SLCO3A1: variants seen among roughly 807,000 people sequenced by gnomAD.
SLCO3A1 encodes PGE1 transporter.
SLCO3A1 carries 27 observed loss-of-function variants against 63.1 expected under a neutral mutation model. The observed-to-expected ratio is 0.43, with a 90% confidence interval of 0.32 to 0.59. The LOEUF (loss-of-function observed/expected upper bound fraction) is 0.59. Among genes scored for constraint, SLCO3A1 ranks in the 20% least tolerant of loss-of-function variants. The pLI is 0.09. For synonymous variants in SLCO3A1, 473 were observed against 409.9 expected (o/e 1.15, Z -1.86); for missense variants, 773 against 945.8 (o/e 0.82, Z 2.40).
chr15:92,039,213 AC>A (rs1383690182), intron 2 of SLCO3A1, among the ~76,000 whole-genome samples: 6 of 152,196 alleles, frequency 3.9e-5, no homozygotes, highest in African/African-American at 1.2e-4. Flanking sequence ...TTACAACAAA[AC>A]CCAAAATTGA....
At chr15:91,855,684 A>G (rs1171845074) in intron 1 of SLCO3A1, among the ~76,000 whole-genome samples, 5 of 152,158 alleles carry the variant, frequency 3.3e-5, no homozygotes, top group African/African-American at 1.2e-4. Context: ...CTTAGGGGAA[A>G]TTTAACTGTT....
Position 92,165,585 on chromosome 15 carries a change from T to C in SLCO3A1, c.*2450T>C. 1 of 985,000 alleles carries C rather than the reference T, an allele frequency of 1.0e-6. No individual in the cohort carries two copies. Among genetic ancestry groups the C allele is most frequent in the Non-Finnish European group, 1.2e-6 (1 of 829,572 alleles). 61.0% of individuals were successfully genotyped at this position (985,000 alleles called of 1,614,324 possible). A position where few individuals can be genotyped will look rare whatever the true frequency, so the allele number is the denominator to read the frequency against. On this transcript the variant is annotated 3_prime_UTR_variant, in exon 10 of 10. Coordinates refer to ENST00000318445, the MANE Select transcript of SLCO3A1 (RefSeq NM_013272.4). ...TTTTAGGATGAATGTGAAAAAGATGTTAGAATAACAGGAAGACAACTCCAG... is the reference window on the plus strand; with the variant it reads ...TTTTAGGATGAATGTGAAAAAGATGCTAGAATAACAGGAAGACAACTCCAG...
At position 91,859,851 on chromosome 15, in the gene SLCO3A1, A is replaced by G. The variant is rs550988066; in HGVS notation, c.180+5763A>G. 6.6e-6 allele frequency among the ~76,000 whole-genome samples: 1 copy of G among 152,326 alleles called. No homozygotes were observed. The highest frequency in any genetic ancestry group is 2.1e-4 in the South Asian group (1 of 4,824). Reference sequence around the variant, plus strand: ...ACATAATAACCGTGTAGCCCCAACCAATGAGAAATAAAATTATTTCAATTA... The same window carrying G: ...ACATAATAACCGTGTAGCCCCAACCGATGAGAAATAAAATTATTTCAATTA... On this transcript the variant is annotated intron_variant, in intron 1 of 9. Coordinates refer to ENST00000318445, the MANE Select transcript of SLCO3A1 (RefSeq NM_013272.4). The surrounding 1 kb of genome is among the most constrained non-coding windows in gnomAD (Gnocchi z 5.1).
intron 2 of SLCO3A1, among the ~76,000 whole-genome samples, chr15:91,958,616 G>A (rs1363953924): frequency 6.6e-6 from 1 of 152,158 alleles, no homozygotes; most frequent in African/African-American, 2.4e-5. Flanking sequence ...TTAATTTGGT[G>A]TTAGGCAAAC....
intron 2 of SLCO3A1, among the ~76,000 whole-genome samples, chr15:91,945,052 T>C (rs1830164661): frequency 6.6e-6 from 1 of 152,176 alleles, no homozygotes; most frequent in Admixed American, 6.5e-5. Flanking sequence ...CAGATATTTA[T>C]TAAATATTTT....
At position 91,956,977 on chromosome 15, in the gene SLCO3A1, G is replaced by GTATATATATTATATATTA. The variant is rs1211504982; in HGVS notation, c.646+40527_646+40528insTTATATATTATATATATA. Reference sequence around the variant, plus strand: ...TAATTTATTTATATATATATATATAGTATATATAATATATAGTATATATTA... The same window carrying GTATATATATTATATATTA: ...TAATTTATTTATATATATATATATAGTATATATATTATATATTATATATATAATATATAGTATATATTA... On this transcript the variant is annotated intron_variant, in intron 2 of 9. Transcript: ENST00000318445. Among the ~76,000 whole-genome samples the GTATATATATTATATATTA allele has an allele frequency of 4.0e-3, 36 of 8,996 alleles. 7 individuals are homozygous for GTATATATATTATATATTA. Among genetic ancestry groups the GTATATATATTATATATTA allele is most frequent in the African/African-American group, 0.022 (24 of 1,092 alleles). 5.9% of individuals were successfully genotyped at this position (8,996 alleles called of 152,430 possible).
Position 91,853,919 on chromosome 15 carries a change from A to G in SLCO3A1, c.11A>G (p.Lys4Arg), listed in dbSNP as rs756599841. 2.1e-6 allele frequency: 3 copies of G among 1,437,834 alleles called. No individual in the cohort carries two copies. Among genetic ancestry groups the G allele is most frequent in the Non-Finnish European group, 2.8e-6 (3 of 1,085,910 alleles). 89.1% of individuals were successfully genotyped at this position (1,437,834 alleles called of 1,614,324 possible). A position where few individuals can be genotyped will look rare whatever the true frequency, so the allele number is the denominator to read the frequency against. MQG[K>R]KPGGSSGGGR... ...GGCGGCGGGGGAAGGATGCAGGGGAAGAAGCCGGGCGGTTCGTCGGGCGGC... is the reference window on the plus strand; with the variant it reads ...GGCGGCGGGGGAAGGATGCAGGGGAGGAAGCCGGGCGGTTCGTCGGGCGGC... Residue 4 changes from lysine (K) to arginine (R), a missense_variant, in exon 1 of 10, where the codon AAG becomes AGG. By Grantham distance (26) the Lys-to-Arg change is conservative. This residue lies in a region of SLCO3A1 where 69 missense variants were observed against 64.6 expected (regional missense o/e 1.07). Transcript: ENST00000318445.
chr15:92,121,826 C>T (rs1357392479), intron 5 of SLCO3A1, among the ~76,000 whole-genome samples: 1 of 152,178 alleles, frequency 6.6e-6, no homozygotes, highest in East Asian at 1.9e-4. Flanking sequence ...AGAAAGCAGC[C>T]ATCTGCAATG....
At chr15:91,918,014 A>G (rs7162293) in intron 2 of SLCO3A1, among the ~76,000 whole-genome samples, 86,624 of 152,090 alleles carry the variant, frequency 0.57, 25,369 homozygotes, top group East Asian at 0.91. Context: ...ATTTCTCCCC[A>G]GAGTCACCCC....
At chr15:91,988,189 G>GCTCAGC (rs1370878125) in intron 2 of SLCO3A1, among the ~76,000 whole-genome samples, 1 of 152,028 alleles carries the variant, frequency 6.6e-6, no homozygotes, top group South Asian at 2.1e-4. Flanking sequence ...GATCGCTTGA[G>GCTCAGC]CTCAGGAGTT....
intron 2 of SLCO3A1, among the ~76,000 whole-genome samples, chr15:91,982,805 G>A (rs990687146): frequency 6.6e-6 from 1 of 152,266 alleles, no homozygotes; most frequent in Non-Finnish European, 1.5e-5. Flanking sequence ...ATGCTGGTGG[G>A]TGGGGAGCTG....
At chr15:92,045,970 G>A (rs1398162406) in intron 2 of SLCO3A1, among the ~76,000 whole-genome samples, 4 of 152,110 alleles carry the variant, frequency 2.6e-5, no homozygotes, top group Non-Finnish European at 2.9e-5. Context: ...ACACCGGTGC[G>A]CATCTGTGGG....
chr15:92,019,423 T>C (rs1399531912), intron 2 of SLCO3A1, among the ~76,000 whole-genome samples: 2 of 152,196 alleles, frequency 1.3e-5, no homozygotes, highest in Non-Finnish European at 2.9e-5. Flanking sequence ...TAAATATTAC[T>C]TTCTTCCCCT....
At position 91,875,503 on chromosome 15, in the gene SLCO3A1, C is replaced by T. The variant is rs536566168; in HGVS notation, c.180+21415C>T. Among the ~76,000 whole-genome samples, 5 of 152,332 alleles carry T rather than the reference C, an allele frequency of 3.3e-5. No individual in the cohort carries two copies. In the South Asian group the frequency reaches 8.3e-4, roughly 25 times the overall value. On this transcript the variant is annotated intron_variant, in intron 1 of 9. Transcript: ENST00000318445. This position sits in a 1 kb window ranked among gnomAD's most constrained non-coding sequence, Gnocchi z 4.5. ...CGTAAACCTAGGTTGGTTCCTCCCC[C>T]GTCAGTTGGAGATGATTAAAGTACC...
At chr15:92,042,633 AGGT>A (rs751026626) in intron 2 of SLCO3A1, among the ~76,000 whole-genome samples, 33 of 152,094 alleles carry the variant, frequency 2.2e-4, no homozygotes, top group Non-Finnish European at 3.2e-4. Flanking sequence ...TGTAACATGG[AGGT>A]GGAGGTCTGA....
chr15:92,156,526 C>T lies in SLCO3A1; in HGVS notation c.1753+5512C>T, dbSNP rs528558044. Among the ~76,000 whole-genome samples, 43 of 152,328 alleles carry T rather than the reference C, an allele frequency of 2.8e-4. No homozygotes were observed. The South Asian group carries it at 8.9e-3, about 32-fold the overall frequency. On this transcript the variant is annotated intron_variant, in intron 9 of 9. Transcript: ENST00000318445. Reference sequence around the variant, plus strand: ...GATTATTTAAGCTCTCTGGGCCTTACCAACTTTAACAAGGGGTCCAGGAAT... The same window carrying T: ...GATTATTTAAGCTCTCTGGGCCTTATCAACTTTAACAAGGGGTCCAGGAAT...
intron 2 of SLCO3A1, among the ~76,000 whole-genome samples, chr15:91,981,932 G>A (rs1210882297): frequency 6.6e-6 from 1 of 152,256 alleles, no homozygotes; most frequent in Non-Finnish European, 1.5e-5. Context: ...GCTTGCTGGT[G>A]AGCACGCTTT....
chr15:91,969,023 C>G (rs970153204), intron 2 of SLCO3A1, among the ~76,000 whole-genome samples: 1 of 152,330 alleles, frequency 6.6e-6, no homozygotes, highest in Middle Eastern at 3.4e-3. Context: ...GTGTTTAGCA[C>G]TGTCACCTTG....
At position 91,865,341 on chromosome 15, in the gene SLCO3A1, T is replaced by C. The variant is rs1897139633; in HGVS notation, c.180+11253T>C. On this transcript the variant is annotated intron_variant, in intron 1 of 9. Transcript: ENST00000318445. This position sits in a 1 kb window ranked among gnomAD's most constrained non-coding sequence, Gnocchi z 4.6. Reference sequence around the variant, plus strand: ...CATATTATAAGTGAGAAAGTGACTTTCACAGTTTATCTGTTGGTGAGGTGG... The same window carrying C: ...CATATTATAAGTGAGAAAGTGACTTCCACAGTTTATCTGTTGGTGAGGTGG... Among the ~76,000 whole-genome samples the C allele has an allele frequency of 6.6e-6, 1 of 152,238 alleles. No individual in the cohort carries two copies. The highest frequency in any genetic ancestry group is 2.4e-5 in the African/African-American group (1 of 41,458).
Sources: allele counts gnomAD v4.1 joint callset (sites outside exome capture counted in the v4.1 genomes callset), GRCh38; gene constraint gnomAD v4.1.1; regional missense constraint gnomAD v4.1.1; non-coding constraint Gnocchi (gnomAD v3.1); transcripts MANE v1.5; gene names NCBI Gene and HGNC (gene_info 2026-07-23, HGNC 2026-07-21).